Variants in UHRF2 observed in about 807,000 individuals in gnomAD.
The protein encoded by UHRF2 is ubiquitin like with PHD and ring finger domains 2, also known as E3 ubiquitin-protein ligase UHRF2.
A neutral mutation model predicts 96.8 loss-of-function variants in UHRF2; 23 were observed. The observed-to-expected ratio is 0.24, with a 90% CI of 0.17 to 0.34. UHRF2 has a LOEUF of 0.34. Ranked by LOEUF, UHRF2 falls within the 10% of genes least tolerant of loss-of-function variation. The pLI is 1.00. For missense variants in UHRF2, 685 were observed against 981.5 expected, an observed-to-expected ratio of 0.70 and a Z score of 4.04; for synonymous variants, 385 against 332.6, an observed-to-expected ratio of 1.16 and a Z score of -1.72.
intron 2 of UHRF2, among the ~76,000 whole-genome samples, chr9:6,427,946 T>A (rs1820350710): frequency 6.6e-6 from 1 of 152,196 alleles, no homozygotes; most frequent in South Asian, 2.1e-4. Flanking sequence ...AGATGGACAT[T>A]CGAACCTAAG....
chr9:6,459,695 CT>C (rs1822407632), intron 3 of UHRF2, among the ~76,000 whole-genome samples: 1 of 152,180 alleles, frequency 6.6e-6, no homozygotes. Flanking sequence ...AACTTGAGGC[CT>C]GACATGGTGG....
At chr9:6,477,301 G>C (rs1823639134) in intron 5 of UHRF2, among the ~76,000 whole-genome samples, 1 of 151,746 alleles carries the variant, frequency 6.6e-6, no homozygotes, top group Non-Finnish European at 1.5e-5. Context: ...GAGGCGGGCA[G>C]ATCACCTGAG....
intron 2 of UHRF2, 110 bp from the exon 3 acceptor site, chr9:6,433,804 G>A (rs1820685293): frequency 2.7e-6 from 3 of 1,109,888 alleles, no homozygotes; most frequent in Admixed American, 2.6e-5. Flanking sequence ...AACATGAGTA[G>A]CTGCAAATAT....
At chr9:6,444,422 A>G (rs949909655) in intron 3 of UHRF2, among the ~76,000 whole-genome samples, 2 of 152,216 alleles carry the variant, frequency 1.3e-5, no homozygotes, top group Admixed American at 1.3e-4. Flanking sequence ...AGAACTTTAC[A>G]GATACCAGTT....
At chr9:6,464,622 A>G (rs1352919033) in intron 4 of UHRF2, among the ~76,000 whole-genome samples, 1 of 152,196 alleles carries the variant, frequency 6.6e-6, no homozygotes, top group African/African-American at 2.4e-5. Flanking sequence ...TTAACTCAAT[A>G]CATATGAATA....
rs1822469860 is a variant in UHRF2, at chr9:6,460,465, A to G, written c.645-108A>G. 3.3e-6 allele frequency: 3 copies of G among 902,022 alleles called. No individual in the cohort carries two copies. The South Asian group carries it at 5.3e-5, about 16-fold the overall frequency. The allele number at this position is 902,022 out of a possible 1,614,324, so 55.9% of individuals were successfully genotyped here. Reference sequence around the variant, plus strand: ...ATTTAAGGACACTTCAACCTATTTTACTCTTTCTCTTAGATGATTAACTCA... The same window carrying G: ...ATTTAAGGACACTTCAACCTATTTTGCTCTTTCTCTTAGATGATTAACTCA... On this transcript the variant is annotated intron_variant, in intron 3 of 15. Coordinates refer to ENST00000276893, the MANE Select transcript of UHRF2 (RefSeq NM_152896.3).
intron 4 of UHRF2, among the ~76,000 whole-genome samples, chr9:6,471,250 A>G (rs1342689036): frequency 6.6e-6 from 1 of 152,218 alleles, no homozygotes; most frequent in Non-Finnish European, 1.5e-5. Flanking sequence ...GAAAGCTTCA[A>G]GACCTGTGTA....
At chr9:6,431,770 C>A (rs1820574496) in intron 2 of UHRF2, among the ~76,000 whole-genome samples, 1 of 152,164 alleles carries the variant, frequency 6.6e-6, no homozygotes, top group African/African-American at 2.4e-5. Context: ...GATCTGCCTG[C>A]TAGTATCTTA....
Position 6,413,408 on chromosome 9 carries a change from G to C in UHRF2, c.-83G>C, listed in dbSNP as rs1484162523. The C allele has an allele frequency of 2.4e-6, 3 of 1,271,672 alleles. No homozygotes were observed. The African/African-American group carries it at 4.6e-5, about 20-fold the overall frequency. The allele number at this position is 1,271,672 out of a possible 1,614,324, so 78.8% of individuals were successfully genotyped here. A position where few individuals can be genotyped will look rare whatever the true frequency, so the allele number is the denominator to read the frequency against. ...CTGCCGCTGAGGGCCCGAGCCGCAG[G>C]GAAAGCGGCGCGGGCCGGGCGGGGC... On this transcript the variant is annotated 5_prime_UTR_variant, in exon 1 of 16. Transcript: ENST00000276893.
At chr9:6,419,157 T>A (rs775732937) in intron 1 of UHRF2, among the ~76,000 whole-genome samples, 1 of 152,178 alleles carries the variant, frequency 6.6e-6, no homozygotes. Context: ...GTTAGGACTT[T>A]AACAAAAAAA....
chr9:6,422,785 T>C (rs1018957294), intron 2 of UHRF2: 30 of 414,892 alleles, frequency 7.2e-5, no homozygotes, highest in Non-Finnish European at 1.2e-4. Flanking sequence ...CTTAGATCTT[T>C]GATATCTTGA....
rs1260656726 is a variant in UHRF2 at position 6,477,693 on chromosome 9, G to A, written c.1045G>A (p.Val349Ile). The A allele has an allele frequency of 1.9e-6, 3 of 1,614,170 alleles. No individual in the cohort carries two copies. The highest frequency in any genetic ancestry group is 2.5e-6 in the Non-Finnish European group (3 of 1,180,016). ...EKKCHSCSCR[V>I]CGGKHEPNMQ... is the part of the protein sequence containing the mutation. ...GAAATGTCATTCTTGCTCCTGTCGT[G>A]TATGTGGTGGGAAACATGAACCCAA... Residue 349 changes from valine (V) to isoleucine (I), a missense_variant, in exon 6 of 16, where the codon GTA becomes ATA. This residue lies in a region of UHRF2 where 391 missense variants were observed against 437.0 expected (regional missense o/e 0.89). Coordinates refer to ENST00000276893, the MANE Select transcript of UHRF2 (RefSeq NM_152896.3).
intron 10 of UHRF2, chr9:6,494,416 G>A (rs1236321038): frequency 6.6e-6 from 1 of 152,568 alleles, no homozygotes; most frequent in Non-Finnish European, 1.5e-5. Flanking sequence ...TCTTCTAAGA[G>A]TTGTTAAAGG....
At chr9:6,494,271 C>T (rs562145228) in intron 10 of UHRF2, 11 of 213,498 alleles carry the variant, frequency 5.2e-5, no homozygotes, top group Admixed American at 2.2e-4. Flanking sequence ...AAGTGACAAA[C>T]TCCTTTTTAG....
rs1413372490 is a variant in UHRF2 at position 6,506,128 on chromosome 9, T to A, written c.2358T>A (p.Ile786=). Residue 786 remains isoleucine, a synonymous_variant, in exon 16 of 16, where the codon ATT becomes ATA. Coordinates refer to ENST00000276893, the MANE Select transcript of UHRF2 (RefSeq NM_152896.3). ...GQNYIMIPNE[I]LQTLLDLFFP... is the part of the protein sequence containing the mutation. ...ATTACATCATGATTCCCAATGAGATTCTGCAGACTCTACTTGACCTTTTCT... is the reference window on the plus strand; with the variant it reads ...ATTACATCATGATTCCCAATGAGATACTGCAGACTCTACTTGACCTTTTCT... 6.2e-7 allele frequency: 1 copy of A among 1,614,216 alleles called. No individual in the cohort carries two copies.
intron 4 of UHRF2, chr9:6,468,446 A>G (rs1473580568): frequency 2.2e-6 from 1 of 455,944 alleles, no homozygotes; most frequent in African/African-American, 2.0e-5. Flanking sequence ...CCAGAGAATC[A>G]AAGAGAACCA....
At chr9:6,415,890 C>A (rs1002075131) in intron 1 of UHRF2, among the ~76,000 whole-genome samples, 3 of 152,180 alleles carry the variant, frequency 2.0e-5, no homozygotes, top group African/African-American at 7.2e-5. Context: ...TCTTACTATT[C>A]AAAGTATGGT....
At chr9:6,475,169 T>G (rs1823489773) in intron 4 of UHRF2, among the ~76,000 whole-genome samples, 1 of 152,192 alleles carries the variant, frequency 6.6e-6, no homozygotes, top group African/African-American at 2.4e-5. Flanking sequence ...GATTATCTAA[T>G]GAAGTCTGTA....
chr9:6,506,662 TC>T lies in UHRF2; in HGVS notation c.*485del, dbSNP rs1190200323. 10 of 152,850 alleles carry T rather than the reference TC, an allele frequency of 6.5e-5. No individual in the cohort carries two copies. Among genetic ancestry groups the T allele is most frequent in the African/African-American group, 2.4e-4 (10 of 41,450 alleles). The allele number at this position is 152,850 out of a possible 1,614,324, so 9.5% of individuals were successfully genotyped here. Reference sequence around the variant, plus strand: ...CATATACTTTTTTAACGTCTCTTCTTCCATTACAATGTGTGTTTTGCAAGGA... The same window carrying T: ...CATATACTTTTTTAACGTCTCTTCTTCATTACAATGTGTGTTTTGCAAGGA... On this transcript the variant is annotated 3_prime_UTR_variant, in exon 16 of 16. Transcript: ENST00000276893.
Sources: gnomAD v4.1 joint callset for allele counts (sites outside exome capture counted in the v4.1 genomes callset) on GRCh38, gnomAD v4.1.1 for gene constraint, gnomAD v4.1.1 regional missense constraint, MANE v1.5 for transcripts, NCBI Gene and HGNC (gene_info 2026-07-23, HGNC 2026-07-21) for gene names.